The following SNTG2 variants were observed in gnomAD, a reference collection of about 807,000 sequenced individuals.
The protein encoded by SNTG2 is gamma-2-syntrophin.
SNTG2 carries 74 observed loss-of-function variants against 70.9 expected under a neutral mutation model. That is an observed-to-expected ratio of 1.04 (90% CI 0.86 to 1.27). SNTG2 has a LOEUF of 1.27. Among genes scored for constraint, SNTG2 ranks in the 50% most tolerant of loss-of-function variants. SNTG2 has a pLI of 0.00. For missense variants in SNTG2, 717 were observed against 690.7 expected, an observed-to-expected ratio of 1.04 and a Z score of -0.43; for synonymous variants, 278 against 273.8, an observed-to-expected ratio of 1.02 and a Z score of -0.15.
rs1387667303 is a variant in SNTG2 at position 1,299,999 on chromosome 2, A to G, written c.1285-8495A>G. 2.7e-5 allele frequency among the ~76,000 whole-genome samples: 4 copies of G among 150,186 alleles called. No homozygotes were observed. In the South Asian group the frequency reaches 6.3e-4, roughly 24 times the overall value. ...GAGGGCACTTACCATCACTGCTCTG[A>G]AGGGCGTGCAAGACAGGTGCCTCAA... is the stretch of plus-strand genomic sequence containing the variant. On this transcript the variant is annotated intron_variant, in intron 14 of 16. Coordinates refer to ENST00000308624, the MANE Select transcript of SNTG2 (RefSeq NM_018968.4).
At chr2:973,611 C>G (rs892876087) in intron 1 of SNTG2, among the ~76,000 whole-genome samples, 2 of 151,356 alleles carry the variant, frequency 1.3e-5, no homozygotes, top group Non-Finnish European at 2.9e-5. Context: ...TTTGAACATG[C>G]CTCTGCCTTT....
At chr2:1,046,086 G>A (rs1210029352) in intron 1 of SNTG2, among the ~76,000 whole-genome samples, 1 of 152,064 alleles carries the variant, frequency 6.6e-6, no homozygotes, top group Non-Finnish European at 1.5e-5. Context: ...AGGTGGTTAA[G>A]TCATCTTACT....
intron 6 of SNTG2, among the ~76,000 whole-genome samples, chr2:1,156,623 C>G (rs897280717): frequency 2.0e-5 from 3 of 152,176 alleles, no homozygotes; most frequent in African/African-American, 4.8e-5. Flanking sequence ...GGGAAGAGAC[C>G]TGGAGTTAAG....
intron 1 of SNTG2, among the ~76,000 whole-genome samples, chr2:976,397 T>C (rs7605413): frequency 0.3 from 46,040 of 151,994 alleles, 7,360 homozygotes; most frequent in Middle Eastern, 0.4. Flanking sequence ...GTGTACATTG[T>C]CTTTGGAATG....
chr2:1,197,341 T>C (rs1245784091), intron 8 of SNTG2, among the ~76,000 whole-genome samples: 1 of 151,454 alleles, frequency 6.6e-6, no homozygotes, highest in East Asian at 1.9e-4. Flanking sequence ...TCAGATAAAA[T>C]AGACTTTAAG....
chr2:1,291,542 G>T (rs1362355448), intron 14 of SNTG2, among the ~76,000 whole-genome samples: 2 of 152,126 alleles, frequency 1.3e-5, no homozygotes, highest in South Asian at 2.1e-4. Flanking sequence ...TAAGATAAGG[G>T]TTCCACTTCA....
chr2:1,178,853 G>A (rs534433364), intron 8 of SNTG2, among the ~76,000 whole-genome samples: 6 of 152,288 alleles, frequency 3.9e-5, no homozygotes, highest in East Asian at 1.9e-4. Flanking sequence ...TTTTTGTATT[G>A]ACTGGAATAG....
intron 6 of SNTG2, among the ~76,000 whole-genome samples, chr2:1,163,968 A>G (rs1335023909): frequency 6.6e-6 from 1 of 152,182 alleles, no homozygotes; most frequent in Non-Finnish European, 1.5e-5. Context: ...AACCCATTCA[A>G]GCTACATCAG....
Position 1,029,016 on chromosome 2 carries a change from T to C in SNTG2, c.73-54502T>C, listed in dbSNP as rs533197232. 2.0e-5 allele frequency among the ~76,000 whole-genome samples: 3 copies of C among 152,316 alleles called. No individual in the cohort carries two copies. The South Asian group carries it at 6.2e-4, about 32-fold the overall frequency. Reference sequence around the variant, plus strand: ...GGAGGCATGCACCTTCTGTCCAGGCTGGAGTGTGGCTTCAGGCAGGATCGG... The same window carrying C: ...GGAGGCATGCACCTTCTGTCCAGGCCGGAGTGTGGCTTCAGGCAGGATCGG... On this transcript the variant is annotated intron_variant, in intron 1 of 16. Coordinates refer to ENST00000308624, the MANE Select transcript of SNTG2 (RefSeq NM_018968.4).
At chr2:1,326,357 G>A (rs1681759587) in intron 16 of SNTG2, among the ~76,000 whole-genome samples, 1 of 152,118 alleles carries the variant, frequency 6.6e-6, no homozygotes, top group Admixed American at 6.5e-5. Context: ...AGGTCAAAAA[G>A]GCAATTTTAG....
At chr2:1,244,508 A>G (rs1677277893) in intron 11 of SNTG2, among the ~76,000 whole-genome samples, 1 of 151,984 alleles carries the variant, frequency 6.6e-6, no homozygotes, top group African/African-American at 2.4e-5. Flanking sequence ...CATCCTGGCT[A>G]ACACGGTGAA....
intron 16 of SNTG2, among the ~76,000 whole-genome samples, chr2:1,324,146 T>G (rs1259287319): frequency 6.6e-6 from 1 of 151,390 alleles, no homozygotes; most frequent in African/African-American, 2.4e-5. Context: ...TGGCTGAGGG[T>G]CCCAGTAGGC....
chr2:1,206,887 G>A (rs1673664292), intron 8 of SNTG2, among the ~76,000 whole-genome samples: 1 of 152,118 alleles, frequency 6.6e-6, no homozygotes, highest in Non-Finnish European at 1.5e-5. Flanking sequence ...TTTAAGTGGT[G>A]GTTTTGCAGT....
intron 6 of SNTG2, among the ~76,000 whole-genome samples, chr2:1,154,591 C>T (rs1280791598): frequency 2.0e-5 from 3 of 152,116 alleles, no homozygotes; most frequent in East Asian, 1.9e-4. Context: ...CCTGCAGCAG[C>T]GTGACAGTGA....
In SNTG2 at chr2:1,019,650, TA is replaced by T. The variant is rs758276849; in HGVS notation, c.73-63866del. Among the ~76,000 whole-genome samples, 5 of 152,332 alleles carry T rather than the reference TA, an allele frequency of 3.3e-5. No individual in the cohort carries two copies. In the East Asian group the frequency reaches 5.8e-4, roughly 18 times the overall value. ...GAAACTCTACAGACATTCTCTAAGT[TA>T]ATGATAGTTCCACTGGTAATTATGC... On this transcript the variant is annotated intron_variant, in intron 1 of 16. Coordinates refer to ENST00000308624, the MANE Select transcript of SNTG2 (RefSeq NM_018968.4).
At chr2:1,100,911 C>G (rs1426369270) in intron 4 of SNTG2, among the ~76,000 whole-genome samples, 1 of 152,140 alleles carries the variant, frequency 6.6e-6, no homozygotes, top group African/African-American at 2.4e-5. Flanking sequence ...CTCAAGAAGG[C>G]TACACTCCCT....
intron 1 of SNTG2, among the ~76,000 whole-genome samples, chr2:1,019,925 C>T (rs979306028): frequency 1.3e-5 from 2 of 152,108 alleles, no homozygotes; most frequent in African/African-American, 2.4e-5. Flanking sequence ...CACCTGTAAT[C>T]CCAGCTACTT....
At chr2:1,335,766 A>G (rs910068363) in intron 16 of SNTG2, among the ~76,000 whole-genome samples, 1 of 151,814 alleles carries the variant, frequency 6.6e-6, no homozygotes, top group African/African-American at 2.4e-5. Flanking sequence ...CTTGCTTGTG[A>G]TTGGATTTGG....
chr2:1,005,880 T>A (rs1659556822), intron 1 of SNTG2, among the ~76,000 whole-genome samples: 1 of 94,502 alleles, frequency 1.1e-5, no homozygotes, highest in Non-Finnish European at 2.2e-5. Flanking sequence ...TATATAAACG[T>A]TGACATTGCT....
Sources: gnomAD v4.1 joint callset for allele counts (sites outside exome capture counted in the v4.1 genomes callset) on GRCh38, gnomAD v4.1.1 for gene constraint, MANE v1.5 for transcripts, NCBI Gene and HGNC (gene_info 2026-07-23, HGNC 2026-07-21) for gene names.